Variants in CASK observed in about 807,000 individuals in gnomAD.
CASK encodes the protein calcium/calmodulin dependent serine protein kinase.
In CASK, 4 loss-of-function variants were observed where a neutral mutation model predicts 82.9. The observed-to-expected ratio is 0.05, with a 90% CI of 0.02 to 0.11. The LOEUF is 0.11. Ranked by LOEUF, CASK falls within the 10% of genes least tolerant of loss-of-function variation. CASK has a pLI of 1.00. For synonymous variants in CASK, 259 were observed against 253.5 expected, an observed-to-expected ratio of 1.02 and a Z score of -0.20; for missense variants, 358 against 720.9, an observed-to-expected ratio of 0.50 and a Z score of 5.76.
intron 5 of CASK, among the ~76,000 whole-genome samples, chrX:41,681,447 C>A (rs1287540357): frequency 9.0e-6 from 1 of 111,723 alleles, no homozygotes; most frequent in Non-Finnish European, 1.9e-5. Context: ...TTCACAGCTC[C>A]CTCCTGTTGC....
At chrX:41,839,275 C>T (rs1205227718) in intron 2 of CASK, among the ~76,000 whole-genome samples, 3 of 111,562 alleles carry the variant, frequency 2.7e-5, no homozygotes, top group Non-Finnish European at 5.7e-5. Context: ...CTTCCAATCC[C>T]TGAACAGAGT....
In CASK at chrX:41,671,549, G is replaced by A. The variant is rs969094237; in HGVS notation, c.430-19C>T. On this transcript the variant is annotated intron_variant, in intron 5 of 26. Transcript: ENST00000378163. ...AGTGGGGCTGAAAAGAAAAACAGACGAACAAACAAACAAAAAACAAACCCG... is the reference window on the plus strand; with the variant it reads ...AGTGGGGCTGAAAAGAAAAACAGACAAACAAACAAACAAAAAACAAACCCG... The A allele has an allele frequency of 1.7e-5, 18 of 1,061,301 alleles. No individual in the cohort carries two copies. The African/African-American group carries it at 1.8e-4, about 11-fold the overall frequency. The allele number at this position is 1,061,301 out of a possible 1,213,427, so 87.5% of individuals were successfully genotyped here. A position where few individuals can be genotyped will look rare whatever the true frequency, so the allele number is the denominator to read the frequency against.
chrX:41,837,174 T>A (rs1182482013), intron 2 of CASK, among the ~76,000 whole-genome samples: 1 of 112,314 alleles, frequency 8.9e-6, no homozygotes, highest in Non-Finnish European at 1.9e-5. Flanking sequence ...AAAATAATTG[T>A]ACATTAACAG....
chrX:41,757,709 T>C (rs1239688737), intron 3 of CASK, among the ~76,000 whole-genome samples: 1 of 111,665 alleles, frequency 9.0e-6, no homozygotes, highest in Non-Finnish European at 1.9e-5. Context: ...AGATGGAATC[T>C]TGTTATATTG....
At chrX:41,703,208 T>C (rs781048873) in intron 5 of CASK, among the ~76,000 whole-genome samples, 1 of 112,170 alleles carries the variant, frequency 8.9e-6, no homozygotes, top group East Asian at 2.8e-4. Context: ...AAACACAACA[T>C]AACAGGCAGC....
intron 5 of CASK, among the ~76,000 whole-genome samples, chrX:41,716,506 T>C (rs2068064161): frequency 8.9e-6 from 1 of 112,350 alleles, no homozygotes; most frequent in Non-Finnish European, 1.9e-5. Context: ...CATTTCTTGC[T>C]AAGGGAGGAG....
chrX:41,885,457 C>CA (rs1160537898), intron 1 of CASK, among the ~76,000 whole-genome samples: 3 of 111,716 alleles, frequency 2.7e-5, no homozygotes, highest in East Asian at 2.8e-4. Flanking sequence ...TGCATTTTCA[C>CA]AAAAAACCTG....
chrX:41,522,117 T>G (rs767355837), intron 26 of CASK: 1 of 111,680 alleles, frequency 9.0e-6, no homozygotes, highest in East Asian at 2.8e-4. Context: ...TCCCCTCCTC[T>G]CCTCTTCTCT....
intron 21 of CASK, among the ~76,000 whole-genome samples, chrX:41,551,092 C>T (rs1208069929): frequency 9.0e-6 from 1 of 111,583 alleles, no homozygotes; most frequent in Non-Finnish European, 1.9e-5. Flanking sequence ...TTATGTCGGG[C>T]GGATAGGATG....
At chrX:41,826,672 C>T (rs1029725503) in intron 2 of CASK, among the ~76,000 whole-genome samples, 2 of 111,224 alleles carry the variant, frequency 1.8e-5, no homozygotes, top group African/African-American at 6.6e-5. Flanking sequence ...AGGGCTTCAC[C>T]ATGTTGGTTG....
chrX:41,609,304 G>A (rs1482042515), intron 12 of CASK, among the ~76,000 whole-genome samples: 1 of 110,876 alleles, frequency 9.0e-6, no homozygotes, highest in African/African-American at 3.3e-5. Flanking sequence ...TAGTAGAGAT[G>A]GGGTTTCCCC....
At chrX:41,572,545 T>C (rs1324006128) in intron 15 of CASK, among the ~76,000 whole-genome samples, 1 of 110,490 alleles carries the variant, frequency 9.1e-6, no homozygotes, top group Non-Finnish European at 1.9e-5. Flanking sequence ...ACTTCACATA[T>C]AACCCTTATC....
intron 12 of CASK, among the ~76,000 whole-genome samples, chrX:41,604,396 G>A (rs1212128461): frequency 9.7e-6 from 1 of 103,146 alleles, no homozygotes; most frequent in Non-Finnish European, 2.0e-5. Flanking sequence ...AGACACACAC[G>A]CACAGAGAAT....
chrX:41,861,832 T>C (rs2071488429), intron 1 of CASK, among the ~76,000 whole-genome samples: 1 of 101,892 alleles, frequency 9.8e-6, no homozygotes, highest in African/African-American at 3.5e-5. Flanking sequence ...TATGTATATA[T>C]ACATACAATA....
chrX:41,554,558 T>C (rs954234764), intron 20 of CASK, among the ~76,000 whole-genome samples: 10 of 112,160 alleles, frequency 8.9e-5, no homozygotes, highest in African/African-American at 3.2e-4. Flanking sequence ...ATTTGAACCC[T>C]AGCTTCCCCC....
intron 2 of CASK, among the ~76,000 whole-genome samples, chrX:41,811,458 G>A (rs1428333222): frequency 1.8e-5 from 2 of 112,450 alleles, no homozygotes; most frequent in African/African-American, 6.5e-5. Flanking sequence ...TCAACTACAC[G>A]GAAACTGAAC....
chrX:41,744,298 G>C (rs1378857448), intron 4 of CASK, among the ~76,000 whole-genome samples: 1 of 109,704 alleles, frequency 9.1e-6, no homozygotes, highest in Non-Finnish European at 1.9e-5. Context: ...AAATGTATAA[G>C]CAAGTGGCCC....
chrX:41,548,962 C>T (rs773807119), intron 21 of CASK, among the ~76,000 whole-genome samples: 115 of 111,442 alleles, frequency 1.0e-3, no homozygotes, highest in African/African-American at 3.6e-3. Context: ...GCACAGAAAC[C>T]GTGTTAGGGT....
intron 21 of CASK, among the ~76,000 whole-genome samples, chrX:41,546,002 C>T (rs1031338652): frequency 2.5e-4 from 27 of 109,393 alleles, no homozygotes; most frequent in South Asian, 8.0e-4. Flanking sequence ...GACAGAGTGT[C>T]GCTCTGTTGC....
Sources: gnomAD v4.1 joint callset for allele counts (sites outside exome capture counted in the v4.1 genomes callset) on GRCh38, gnomAD v4.1.1 for gene constraint, MANE v1.5 for transcripts, NCBI Gene and HGNC (gene_info 2026-07-23, HGNC 2026-07-21) for gene names.